SYCP2L: variants seen among roughly 807,000 people sequenced by gnomAD.
The protein encoded by SYCP2L is synaptonemal complex protein 2-like.
A neutral mutation model predicts 125.8 loss-of-function variants in SYCP2L; 98 were observed. The observed-to-expected ratio is 0.78, with a 90% CI of 0.66 to 0.92. SYCP2L has a LOEUF of 0.92. Among genes scored for constraint, SYCP2L ranks in the 40% least tolerant of loss-of-function variants. SYCP2L has a pLI of 0.00. For synonymous variants in SYCP2L, 317 were observed against 325.4 expected (o/e 0.97, Z 0.28); for missense variants, 842 against 936.4 (o/e 0.90, Z 1.32).
chr6:10,929,093 T>C (rs1318177136), intron 18 of SYCP2L, among the ~76,000 whole-genome samples: 2 of 152,048 alleles, frequency 1.3e-5, no homozygotes, highest in East Asian at 3.9e-4. Flanking sequence ...GGATTTGCCA[T>C]GTTGGCCAGA....
intron 29 of SYCP2L, among the ~76,000 whole-genome samples, chr6:10,970,707 A>G (rs1014747373): frequency 6.6e-6 from 1 of 152,190 alleles, no homozygotes; most frequent in African/African-American, 2.4e-5. Flanking sequence ...GAGATTCAGG[A>G]CATGCATTCC....
intron 23 of SYCP2L, 114 bp downstream of exon 23, chr6:10,942,860 A>G (rs1781248730): frequency 1.1e-6 from 1 of 940,768 alleles, no homozygotes; most frequent in Non-Finnish European, 1.6e-6. Flanking sequence ...CACAGTGACT[A>G]TTGCCAGGCC....
chr6:10,927,477 C>T (rs139815879), intron 17 of SYCP2L, 110 bp downstream of exon 17: 18,821 of 801,524 alleles, frequency 0.023, 1,116 homozygotes, highest in East Asian at 0.22. Context: ...CATCACATGT[C>T]GGTAGGTTCC....
intron 14 of SYCP2L, 112 bp from the exon 15 acceptor site, chr6:10,924,384 A>G: frequency 1.1e-6 from 1 of 900,964 alleles, no homozygotes; most frequent in Middle Eastern, 3.7e-4. Flanking sequence ...TCAACTTCTT[A>G]ACACAGAAAA....
intron 23 of SYCP2L, among the ~76,000 whole-genome samples, chr6:10,950,449 C>T (rs1781390205): frequency 1.3e-5 from 2 of 152,172 alleles, no homozygotes; most frequent in South Asian, 2.1e-4. Context: ...ATTTTGCTCA[C>T]AATTCCTCTT....
At chr6:10,892,860 C>T (rs1300332308) in intron 2 of SYCP2L, among the ~76,000 whole-genome samples, 2 of 152,026 alleles carry the variant, frequency 1.3e-5, no homozygotes, top group East Asian at 3.8e-4. Flanking sequence ...TAATTCAGTA[C>T]TAAGAATAAG....
Position 10,924,563 on chromosome 6 carries a change from C to A in SYCP2L, c.1140C>A (p.Val380=). Residue 380 remains valine, a synonymous_variant, in exon 15 of 30, where the codon GTC becomes GTA. Transcript: ENST00000283141. Reference sequence around the variant, plus strand: ...CCATGATTATCAGCTACAAAGAAGTCATGAAAATAGAAATCCATTTTGATT... The same window carrying A: ...CCATGATTATCAGCTACAAAGAAGTAATGAAAATAGAAATCCATTTTGATT... ...KKPMIISYKE[V]MKIEIHFDLQ... The A allele has an allele frequency of 6.2e-7, 1 of 1,604,922 alleles. No individual in the cohort carries two copies. Among genetic ancestry groups the A allele is most frequent in the South Asian group, 1.1e-5 (1 of 88,412 alleles).
At chr6:10,962,932 G>A (rs1581846072) in intron 28 of SYCP2L, among the ~76,000 whole-genome samples, 1 of 152,238 alleles carries the variant, frequency 6.6e-6, no homozygotes, top group South Asian at 2.1e-4. Context: ...AAATAATTTT[G>A]ACTTCACAGA....
At chr6:10,916,521 T>A (rs994559266) in intron 14 of SYCP2L, among the ~76,000 whole-genome samples, 2 of 152,244 alleles carry the variant, frequency 1.3e-5, no homozygotes, top group African/African-American at 4.8e-5. Flanking sequence ...GTTGTGTCAC[T>A]GTTGTCACTC....
At chr6:10,953,086 T>G (rs1781440268) in intron 23 of SYCP2L, among the ~76,000 whole-genome samples, 1 of 152,202 alleles carries the variant, frequency 6.6e-6, no homozygotes, top group Non-Finnish European at 1.5e-5. Flanking sequence ...TATAGAATAC[T>G]AATTAGGGTG....
Position 10,891,509 on chromosome 6 carries a change from A to C in SYCP2L, c.10-4A>C, listed in dbSNP as rs372078712. ...GTTTAAAAACATGTTTTTATTCCAC[A>C]CAGAAAAACAAAGATGCTTTGCAGC... On this transcript the variant is annotated splice_region_variant and splice_polypyrimidine_tract_variant and intron_variant, in intron 1 of 29. Transcript: ENST00000283141. The C allele has an allele frequency of 2.1e-5, 34 of 1,585,598 alleles. 1 individual carries two copies. Among genetic ancestry groups the C allele is most frequent in the Non-Finnish European group, 3.4e-6 (4 of 1,163,596 alleles).
chr6:10,959,007 C>A, intron 26 of SYCP2L, 132 bp downstream of exon 26: 1 of 736,004 alleles, frequency 1.4e-6, no homozygotes, highest in Non-Finnish European at 2.3e-6. Context: ...CATCATTTAA[C>A]CCTTCTGGGT....
At chr6:10,931,957 C>T (rs1285179711) in intron 20 of SYCP2L, among the ~76,000 whole-genome samples, 2 of 123,154 alleles carry the variant, frequency 1.6e-5, no homozygotes, top group African/African-American at 5.9e-5. Context: ...AGAATGAGAC[C>T]GTGTCTCAAA....
intron 2 of SYCP2L, among the ~76,000 whole-genome samples, 184 bp downstream of exon 2, chr6:10,891,765 A>ACTT (rs3066120): frequency 0.96 from 146,239 of 151,976 alleles, 70,615 homozygotes; most frequent in East Asian, 1. Context: ...AGAAATCTTT[A>ACTT]CTTCTCCTTC....
chr6:10,890,511 A>G (rs937578654), intron 1 of SYCP2L, among the ~76,000 whole-genome samples: 2 of 152,060 alleles, frequency 1.3e-5, no homozygotes, highest in Admixed American at 6.6e-5. Context: ...AGAGATGTCT[A>G]TTTAGCTTAT....
rs545275035 is a variant in SYCP2L, at chr6:10,936,298, A to G, written c.1813+1111A>G. On this transcript the variant is annotated intron_variant, in intron 21 of 29. Transcript: ENST00000283141. The stretch of plus-strand genomic sequence containing the variant: ...GATCACCTGAGGTCAGGAGTTCGAG[A>G]CCAGCCTGACCAATATAGTGAAACC... Among the ~76,000 whole-genome samples, 29 of 152,014 alleles carry G rather than the reference A, an allele frequency of 1.9e-4. No homozygotes were observed. In the East Asian group the frequency reaches 5.6e-3, roughly 29 times the overall value.
chr6:10,908,197 T>C (rs1275112409), intron 10 of SYCP2L, among the ~76,000 whole-genome samples: 1 of 152,100 alleles, frequency 6.6e-6, no homozygotes, highest in Non-Finnish European at 1.5e-5. Context: ...TAGGACTTCT[T>C]TATAGGAGAC....
chr6:10,939,461 T>G (rs1387534260), intron 21 of SYCP2L, among the ~76,000 whole-genome samples: 1 of 152,196 alleles, frequency 6.6e-6, no homozygotes, highest in Non-Finnish European at 1.5e-5. Flanking sequence ...CATCACACTT[T>G]CTGATTTCAA....
intron 29 of SYCP2L, among the ~76,000 whole-genome samples, chr6:10,970,956 G>C (rs1311482609): frequency 6.6e-6 from 1 of 152,094 alleles, no homozygotes; most frequent in Non-Finnish European, 1.5e-5. Context: ...ATCACCCCCA[G>C]GCCTTTTGGC....
Sources: allele counts gnomAD v4.1 joint callset (sites outside exome capture counted in the v4.1 genomes callset), GRCh38; gene constraint gnomAD v4.1.1; transcripts MANE v1.5; gene names NCBI Gene and HGNC (gene_info 2026-07-23, HGNC 2026-07-21).